TANGO2: variants seen among roughly 807,000 people sequenced by gnomAD.
TANGO2 encodes the protein transport and golgi organization 2 homolog.
A neutral mutation model predicts 39.1 loss-of-function variants in TANGO2; 26 were observed. The ratio of observed to expected loss-of-function variants is 0.67; its 90% CI spans 0.49 to 0.92. The LOEUF is 0.92. Ranked by LOEUF, TANGO2 falls within the 40% of genes least tolerant of loss-of-function variation. The pLI is 0.00. For synonymous variants in TANGO2, 131 were observed against 144.5 expected (o/e 0.91, Z 0.67); for missense variants, 326 against 360.1 (o/e 0.91, Z 0.77).
intron 1 of TANGO2, among the ~76,000 whole-genome samples, chr22:20,036,182 G>A (rs982251246): frequency 5.9e-5 from 9 of 152,110 alleles, no homozygotes; most frequent in East Asian, 1.9e-4. Context: ...AACACCTGAA[G>A]CCCCTACCCA....
In TANGO2 at chr22:20,065,087, GAC is replaced by G. The variant is rs372265007; in HGVS notation, c.*437_*438del. The stretch of plus-strand genomic sequence containing the variant: ...ATGTGCACACATGCACAGTTGCACA[GAC>G]ACACACACACAGGTGCACACACACG... On this transcript the variant is annotated 3_prime_UTR_variant, in exon 9 of 9. Transcript: ENST00000327374. 8.0e-4 allele frequency: 148 copies of G among 184,548 alleles called. No individual in the cohort carries two copies. The highest frequency in any genetic ancestry group is 2.2e-3 in the South Asian group (18 of 8,144). The allele number at this position is 184,548 out of a possible 1,614,324, so 11.4% of individuals were successfully genotyped here.
intron 2 of TANGO2, among the ~76,000 whole-genome samples, chr22:20,042,574 G>A (rs1481264428): frequency 6.6e-6 from 1 of 152,088 alleles, no homozygotes; most frequent in East Asian, 1.9e-4. Context: ...GACCAGCTTG[G>A]CCAACATGGT....
chr22:20,036,882 G>A (rs375850305), intron 2 of TANGO2, 28 bp downstream of exon 2: 50 of 1,614,052 alleles, frequency 3.1e-5, no homozygotes, highest in South Asian at 1.6e-4. Flanking sequence ...CATCTGCTGC[G>A]CCCTGCAGGG....
At chr22:20,027,877 C>T (rs1489725560) in intron 1 of TANGO2, among the ~76,000 whole-genome samples, 2 of 152,186 alleles carry the variant, frequency 1.3e-5, no homozygotes, top group African/African-American at 2.4e-5. Flanking sequence ...CGGTTCACGG[C>T]GCCCTCCGGC....
At chr22:20,043,694 T>G (rs759812079) in intron 3 of TANGO2, among the ~76,000 whole-genome samples, 1 of 152,174 alleles carries the variant, frequency 6.6e-6, no homozygotes, top group Non-Finnish European at 1.5e-5. Flanking sequence ...AAGCATCAGT[T>G]GGTTTTATAT....
intron 3 of TANGO2, among the ~76,000 whole-genome samples, chr22:20,046,439 G>A (rs981616268): frequency 4.6e-5 from 7 of 150,914 alleles, no homozygotes; most frequent in Non-Finnish European, 1.0e-4. Context: ...ATAAGCCATG[G>A]TGCCCAGCCA....
At position 20,048,669 on chromosome 22, in the gene TANGO2, G is replaced by A. The variant is rs564700333; in HGVS notation, c.146-3796G>A. On this transcript the variant is annotated intron_variant, in intron 3 of 8. Transcript: ENST00000327374. ...AATTTTTTTTTTTTCTTTTGAGTGG[G>A]TGGAGTCTTACTCTGTTGCCAGGCT... is the stretch of plus-strand genomic sequence containing the variant. Among the ~76,000 whole-genome samples, 20 of 151,618 alleles carry A rather than the reference G, an allele frequency of 1.3e-4. No individual in the cohort carries two copies. In the South Asian group the frequency reaches 3.5e-3, roughly 27 times the overall value.
At chr22:20,017,430 GT>G (rs1032046720), upstream of TANGO2, among the ~76,000 whole-genome samples, 1 of 152,178 alleles carries the variant, frequency 6.6e-6, no homozygotes, top group Admixed American at 6.5e-5. Context: ...GACGATGGAG[GT>G]AGGAGCTGCA....
chr22:20,020,557 A>G (rs1300416656), upstream of TANGO2, among the ~76,000 whole-genome samples: 2 of 152,066 alleles, frequency 1.3e-5, no homozygotes, highest in Non-Finnish European at 2.9e-5. Flanking sequence ...ATAGTGCTCA[A>G]ATGCCTAGTC....
At chr22:20,056,660 A>G (rs771626853) in intron 6 of TANGO2, 1 of 456,532 alleles carries the variant, frequency 2.2e-6, no homozygotes, top group South Asian at 1.5e-5. Context: ...AATGTGTCAC[A>G]TTGCCCCCCT....
At chr22:20,022,791 C>G (rs2039967731) in intron 1 of TANGO2, among the ~76,000 whole-genome samples, 1 of 152,232 alleles carries the variant, frequency 6.6e-6, no homozygotes, top group South Asian at 2.1e-4. Context: ...CTCAGGGACC[C>G]CAGAAGGGGT....
intron 6 of TANGO2, among the ~76,000 whole-genome samples, chr22:20,059,724 T>C (rs1417288664): frequency 1.3e-5 from 2 of 152,348 alleles, no homozygotes; most frequent in African/African-American, 4.8e-5. Context: ...TTTTGAGTTA[T>C]AGGAGTGACT....
chr22:20,018,981 A>T (rs1413163302), upstream of TANGO2, among the ~76,000 whole-genome samples: 1 of 152,204 alleles, frequency 6.6e-6, no homozygotes, highest in Non-Finnish European at 1.5e-5. Context: ...GCTACTTGGG[A>T]GGCTGAGGCA....
At chr22:20,034,718 A>T (rs1601946096) in intron 1 of TANGO2, among the ~76,000 whole-genome samples, 2 of 152,156 alleles carry the variant, frequency 1.3e-5, no homozygotes, top group East Asian at 3.9e-4. Context: ...GTCTTCTGTT[A>T]GGTTCTTCAT....
chr22:20,044,653 T>A (rs1323929694), intron 3 of TANGO2, among the ~76,000 whole-genome samples: 1 of 152,046 alleles, frequency 6.6e-6, no homozygotes, highest in East Asian at 1.9e-4. Context: ...CGGCACCGTG[T>A]GGGAGGAGGA....
chr22:20,056,930 C>A (rs181258449), intron 6 of TANGO2: 3 of 456,452 alleles, frequency 6.6e-6, no homozygotes, highest in Non-Finnish European at 1.3e-5. Context: ...CAGGGTGTTC[C>A]GGCGCCTGGG....
intron 7 of TANGO2, chr22:20,062,876 T>G (rs1448250732): frequency 6.4e-5 from 10 of 157,070 alleles, no homozygotes; most frequent in Non-Finnish European, 1.4e-4. Context: ...ATCCCAGCAC[T>G]TTGGGAAGCC....
intron 3 of TANGO2, among the ~76,000 whole-genome samples, chr22:20,047,698 G>C (rs915322172): frequency 2.0e-5 from 3 of 152,146 alleles, no homozygotes; most frequent in Non-Finnish European, 4.4e-5. Flanking sequence ...GGGTCCTGGA[G>C]CCTCTCTAAT....
intron 7 of TANGO2, 44 bp from the exon 8 acceptor site, chr22:20,063,294 G>T (rs1366452587): frequency 1.3e-6 from 2 of 1,587,728 alleles, no homozygotes; most frequent in Middle Eastern, 1.7e-4. Context: ...GCTGCGGGCG[G>T]GCCACAGAGG....
Sources: allele counts gnomAD v4.1 joint callset (sites outside exome capture counted in the v4.1 genomes callset), GRCh38; gene constraint gnomAD v4.1.1; transcripts MANE v1.5; gene names NCBI Gene and HGNC (gene_info 2026-07-23, HGNC 2026-07-21).